RAB27B: variants seen among roughly 807,000 people sequenced by gnomAD.
RAB27B encodes the protein ras-related protein Rab-27B.
RAB27B carries 15 observed loss-of-function variants against 24.6 expected under a neutral mutation model. That is an observed-to-expected ratio of 0.61 (90% CI 0.41 to 0.94). The LOEUF (loss-of-function observed/expected upper bound fraction) is 0.94, where lower values mean the gene tolerates loss of function less well. RAB27B is among the 40% of genes least tolerant of loss of function. RAB27B has a pLI of 0.00. For missense variants in RAB27B, 261 were observed against 266.8 expected, an observed-to-expected ratio of 0.98 and a Z score of 0.15; for synonymous variants, 105 against 92.5, an observed-to-expected ratio of 1.14 and a Z score of -0.78.
chr18:54,785,755 T>C (rs1393112575), intron 2 of RAB27B, among the ~76,000 whole-genome samples: 1 of 152,192 alleles, frequency 6.6e-6, no homozygotes, highest in Admixed American at 6.5e-5. Context: ...ACATGTAATA[T>C]GTATACACTG....
At chr18:54,741,070 C>A (rs1039751277) in intron 2 of RAB27B, among the ~76,000 whole-genome samples, 1 of 152,112 alleles carries the variant, frequency 6.6e-6, no homozygotes, top group African/African-American at 2.4e-5. Context: ...GTGTCCCTAG[C>A]ATACAAAACC....
Position 54,888,053 on chromosome 18 carries a change from G to A in RAB27B, c.402G>A (p.Lys134=). 6.2e-7 allele frequency: 1 copy of A among 1,613,202 alleles called. No individual in the cohort carries two copies. Among genetic ancestry groups the A allele is most frequent in the South Asian group, 1.1e-5 (1 of 90,968 alleles). Residue 134 remains lysine (K), a synonymous_variant, in exon 5 of 6, where the codon AAG becomes AAA. Transcript: ENST00000262094. The part of the protein sequence containing the change: ...ENPDIVLIGN[K]ADLPDQREVN... ...CAGATATAGTATTAATTGGCAACAA[G>A]GCAGACCTACCAGATCAGAGGGAAG...
chr18:54,755,209 A>G (rs759675346), intron 2 of RAB27B, among the ~76,000 whole-genome samples: 11 of 152,084 alleles, frequency 7.2e-5, no homozygotes, highest in Non-Finnish European at 1.5e-4. Flanking sequence ...GGCCAACACG[A>G]TGAAACCCCG....
intron 2 of RAB27B, among the ~76,000 whole-genome samples, chr18:54,756,971 G>A (rs73959288): frequency 0.05 from 7,562 of 152,208 alleles, 241 homozygotes; most frequent in Admixed American, 0.083. Flanking sequence ...TGGCAAACAA[G>A]TGGTATGGGG....
chr18:54,765,554 T>C (rs564789897), intron 2 of RAB27B, among the ~76,000 whole-genome samples: 1 of 152,166 alleles, frequency 6.6e-6, no homozygotes, highest in African/African-American at 2.4e-5. Context: ...AAGCTCAAAT[T>C]GAAAATCCCA....
chr18:54,827,920 G>A (rs189802961), upstream of RAB27B, among the ~76,000 whole-genome samples: 83 of 152,324 alleles, frequency 5.4e-4, no homozygotes, highest in African/African-American at 1.8e-3. Flanking sequence ...CAATGCCTCC[G>A]TGTGCTCATT....
chr18:54,815,567 T>A (rs1910095994), intron 2 of RAB27B, among the ~76,000 whole-genome samples: 1 of 152,170 alleles, frequency 6.6e-6, no homozygotes, highest in Non-Finnish European at 1.5e-5. Context: ...TAAAATCAAT[T>A]TATTGATTTA....
intron 2 of RAB27B, among the ~76,000 whole-genome samples, chr18:54,786,372 A>G (rs1430853921): frequency 6.6e-6 from 1 of 152,224 alleles, no homozygotes; most frequent in Non-Finnish European, 1.5e-5. Context: ...AAAAGAATGG[A>G]AGTTCACGGA....
At chr18:54,828,476 C>T (rs1910551283), upstream of RAB27B, 3 of 152,360 alleles carry the variant, frequency 2.0e-5, no homozygotes, top group Admixed American at 2.0e-4. Context: ...CCAGCCCTGC[C>T]ACTCGCAGTC....
intron 2 of RAB27B, among the ~76,000 whole-genome samples, chr18:54,744,439 C>G (rs1392669305): frequency 2.6e-5 from 4 of 152,124 alleles, no homozygotes; most frequent in Non-Finnish European, 5.9e-5. Context: ...CAGCTTGTTT[C>G]TTTTTGAAGG....
chr18:54,728,756 A>G (rs1909624511), intron 2 of RAB27B, among the ~76,000 whole-genome samples: 1 of 151,300 alleles, frequency 6.6e-6, no homozygotes, highest in Non-Finnish European at 1.5e-5. Context: ...CACACCTGTA[A>G]TCCCAGCTAC....
chr18:54,783,481 T>TTGTGTGTGTGTG (rs34288200), intron 2 of RAB27B, among the ~76,000 whole-genome samples: 363 of 149,780 alleles, frequency 2.4e-3, no homozygotes, highest in Non-Finnish European at 3.0e-3. Flanking sequence ...GCCTATGGCT[T>TTGTGTGTGTGTG]TGTGTGTGTG....
intron 2 of RAB27B, among the ~76,000 whole-genome samples, chr18:54,734,749 A>C (rs1307537650): frequency 6.6e-6 from 1 of 152,180 alleles, no homozygotes; most frequent in Non-Finnish European, 1.5e-5. Context: ...GTATTGAACA[A>C]ATTAGTAAAT....
At chr18:54,785,204 C>T (rs141483304) in intron 2 of RAB27B, among the ~76,000 whole-genome samples, 2,961 of 152,072 alleles carry the variant, frequency 0.019, 101 homozygotes, top group African/African-American at 0.067. Flanking sequence ...CAGGTTCAAG[C>T]GATTCTCTTG....
At chr18:54,829,590 T>C (rs541165864) in intron 1 of RAB27B, among the ~76,000 whole-genome samples, 174 of 152,370 alleles carry the variant, frequency 1.1e-3, no homozygotes, top group Non-Finnish European at 2.0e-3. Context: ...GATTTTGTTC[T>C]GTTTATAAGA....
At chr18:54,859,421 A>C (rs1055406444) in intron 1 of RAB27B, among the ~76,000 whole-genome samples, 2 of 152,136 alleles carry the variant, frequency 1.3e-5, no homozygotes, top group African/African-American at 4.8e-5. Flanking sequence ...TTATAAGTGT[A>C]ATTTCATCAA....
At chr18:54,850,551 G>C (rs1290199499) in intron 1 of RAB27B, among the ~76,000 whole-genome samples, 1 of 150,514 alleles carries the variant, frequency 6.6e-6, no homozygotes, top group Non-Finnish European at 1.5e-5. Flanking sequence ...ATGTTCAGTA[G>C]AGATGGCGTT....
chr18:54,789,998 T>C (rs1833277), intron 2 of RAB27B, among the ~76,000 whole-genome samples: 72,331 of 151,978 alleles, frequency 0.48, 18,409 homozygotes, highest in Middle Eastern at 0.59. Flanking sequence ...TCATTCAAAA[T>C]GCTGGGTTTC....
rs1043493861 is a variant in RAB27B at position 54,874,330 on chromosome 18, G to A, written c.-19-3237G>A. Among the ~76,000 whole-genome samples the A allele has an allele frequency of 6.6e-5, 10 of 152,242 alleles. No homozygotes were observed. In the East Asian group the frequency reaches 7.7e-4, roughly 12 times the overall value. ...TTTGTTTGAATTGAAAACACAACCAGGATTTGACTCATTTATCAATTAATC... is the reference window on the plus strand; with the variant it reads ...TTTGTTTGAATTGAAAACACAACCAAGATTTGACTCATTTATCAATTAATC... On this transcript the variant is annotated intron_variant, in intron 1 of 5. Transcript: ENST00000262094.
Sources: allele counts gnomAD v4.1 joint callset (sites outside exome capture counted in the v4.1 genomes callset), GRCh38; gene constraint gnomAD v4.1.1; transcripts MANE v1.5; gene names NCBI Gene and HGNC (gene_info 2026-07-23, HGNC 2026-07-21).